Variants in FMN1 observed in about 807,000 individuals in gnomAD.
FMN1 encodes the protein formin-1.
In FMN1, 110 loss-of-function variants were observed where a neutral mutation model predicts 132.4. The observed-to-expected ratio is 0.83, with a 90% CI of 0.71 to 0.97. FMN1 has a LOEUF of 0.97. Ranked by LOEUF, FMN1 falls within the 50% of genes least tolerant of loss-of-function variation. The probability of loss-of-function intolerance (pLI) is 0.00; values close to 1 mark genes in which losing one functional copy is unlikely to be tolerated. For missense variants in FMN1, 1,792 were observed against 1,705.3 expected (o/e 1.05, Z -0.90); for synonymous variants, 722 against 651.7 (o/e 1.11, Z -1.64).
chr15:32,819,428 C>T (rs934611646), intron 17 of FMN1, among the ~76,000 whole-genome samples: 3 of 152,154 alleles, frequency 2.0e-5, no homozygotes, highest in African/African-American at 7.2e-5. Flanking sequence ...GGTGCTTATG[C>T]TGCTGTTTTT....
chr15:32,985,300 A>G (rs907368804), intron 7 of FMN1, among the ~76,000 whole-genome samples: 1 of 152,024 alleles, frequency 6.6e-6, no homozygotes, highest in Non-Finnish European at 1.5e-5. Context: ...GATAGTACAA[A>G]TTCCTGGTCC....
At chr15:33,103,378 A>T (rs767577365) in intron 4 of FMN1, among the ~76,000 whole-genome samples, 8 of 152,122 alleles carry the variant, frequency 5.3e-5, no homozygotes, top group Non-Finnish European at 1.0e-4. Flanking sequence ...GAGTTACTAT[A>T]AAGATTAAAG....
chr15:32,926,128 TTTAAAAA>T (rs757960037), intron 10 of FMN1, 39 bp downstream of exon 10: 2 of 1,068,614 alleles, frequency 1.9e-6, no homozygotes, highest in Admixed American at 5.3e-5. Context: ...TGAAATGTTT[TTTAAAAA>T]ATGGAAAAAG....
chr15:33,120,677 T>C (rs527988702), intron 4 of FMN1, among the ~76,000 whole-genome samples: 3 of 152,320 alleles, frequency 2.0e-5, no homozygotes, highest in South Asian at 4.1e-4. Context: ...TCAGTTCATA[T>C]ATATCTACAT....
intron 6 of FMN1, among the ~76,000 whole-genome samples, chr15:33,014,603 G>A (rs2034931331): frequency 6.6e-6 from 1 of 152,082 alleles, no homozygotes. Context: ...ACAGAGAAAG[G>A]AGTAAGGCTC....
intron 4 of FMN1, among the ~76,000 whole-genome samples, chr15:33,125,444 AGAT>A (rs1962965400): frequency 1.3e-5 from 1 of 76,900 alleles, no homozygotes. Context: ...TATGTGTAGA[AGAT>A]TATTTAAAGG....
At chr15:33,178,457 G>C (rs1965589909) in intron 3 of FMN1, among the ~76,000 whole-genome samples, 1 of 152,172 alleles carries the variant, frequency 6.6e-6, no homozygotes, top group Admixed American at 6.5e-5. Context: ...TCTCAAGTCT[G>C]TTTAGCTACC....
intron 17 of FMN1, among the ~76,000 whole-genome samples, chr15:32,828,110 T>C (rs2058415130): frequency 6.6e-6 from 1 of 151,918 alleles, no homozygotes; most frequent in Admixed American, 6.6e-5. Flanking sequence ...CTGACCAACA[T>C]GGTGAAATAC....
intron 17 of FMN1, among the ~76,000 whole-genome samples, chr15:32,843,281 T>C (rs992838142): frequency 4.6e-5 from 7 of 152,148 alleles, no homozygotes; most frequent in African/African-American, 1.7e-4. Context: ...AACCCACCCC[T>C]TGAATCTTAC....
At chr15:33,188,956 AAG>A (rs1253398236) in intron 2 of FMN1, among the ~76,000 whole-genome samples, 2 of 152,234 alleles carry the variant, frequency 1.3e-5, no homozygotes, top group African/African-American at 4.8e-5. Flanking sequence ...ATTTGGGCAT[AAG>A]AGTTACTGTT....
At position 32,836,329 on chromosome 15, in the gene FMN1, C is replaced by T. The variant is rs532893551; in HGVS notation, c.3928+20686G>A. 2.0e-3 allele frequency among the ~76,000 whole-genome samples: 304 copies of T among 152,234 alleles called. 1 individual carries two copies. The highest frequency in any genetic ancestry group is 3.3e-3 in the South Asian group (16 of 4,822). On this transcript the variant is annotated intron_variant, in intron 17 of 20. Coordinates refer to ENST00000616417, the MANE Select transcript of FMN1 (RefSeq NM_001277313.2). ...CAAAGTCACAAAGCCAACTGCATGGCGGTTTGGGAATGGCAAAACTTTTAA... is the reference window on the plus strand; with the variant it reads ...CAAAGTCACAAAGCCAACTGCATGGTGGTTTGGGAATGGCAAAACTTTTAA...
intron 6 of FMN1, among the ~76,000 whole-genome samples, chr15:33,044,682 T>A (rs1182451206): frequency 6.6e-6 from 1 of 151,986 alleles, no homozygotes; most frequent in African/African-American, 2.4e-5. Context: ...GGGTCACCTC[T>A]CTACTGAGAG....
intron 3 of FMN1, among the ~76,000 whole-genome samples, chr15:33,157,322 A>G (rs905229410): frequency 6.6e-6 from 1 of 152,068 alleles, no homozygotes; most frequent in Non-Finnish European, 1.5e-5. Context: ...CTGTAATTTC[A>G]AATAGGAATA....
intron 7 of FMN1, among the ~76,000 whole-genome samples, chr15:32,999,932 T>TC (rs1329849518): frequency 6.6e-6 from 1 of 152,148 alleles, no homozygotes; most frequent in Admixed American, 6.5e-5. Context: ...TGCTCAGGCT[T>TC]CCCTTTTGTC....
chr15:33,131,114 G>C (rs1007857386), intron 4 of FMN1, among the ~76,000 whole-genome samples: 1 of 152,168 alleles, frequency 6.6e-6, no homozygotes, highest in African/African-American at 2.4e-5. Flanking sequence ...TGGATCACCT[G>C]AGGTCAGGAA....
At chr15:32,947,351 C>A (rs1165054440) in intron 9 of FMN1, among the ~76,000 whole-genome samples, 2 of 152,054 alleles carry the variant, frequency 1.3e-5, no homozygotes, top group Non-Finnish European at 2.9e-5. Context: ...TCTGAGCTCT[C>A]AATTCTTTTC....
intron 7 of FMN1, 36 bp downstream of exon 7, chr15:33,007,978 C>G (rs1373299648): frequency 6.4e-7 from 1 of 1,554,202 alleles, no homozygotes; most frequent in African/African-American, 1.4e-5. Context: ...AGTATCAGTT[C>G]TATAGAACCC....
intron 7 of FMN1, among the ~76,000 whole-genome samples, chr15:33,000,549 G>C (rs2034040777): frequency 6.6e-6 from 1 of 152,048 alleles, no homozygotes. Context: ...GAGAGGCTGA[G>C]GTGGGCAGAT....
intron 6 of FMN1, among the ~76,000 whole-genome samples, chr15:33,052,845 ACT>A (rs2037041019): frequency 6.6e-6 from 1 of 151,998 alleles, no homozygotes; most frequent in South Asian, 2.1e-4. Context: ...GGTTTTCTAC[ACT>A]GTCATGCCCA....
Sources: gnomAD v4.1 joint callset for allele counts (sites outside exome capture counted in the v4.1 genomes callset) on GRCh38, gnomAD v4.1.1 for gene constraint, MANE v1.5 for transcripts, NCBI Gene and HGNC (gene_info 2026-07-23, HGNC 2026-07-21) for gene names.